The following WARS1 variants were observed in gnomAD, a reference collection of about 807,000 sequenced individuals.
The protein encoded by WARS1 is tryptophanyl-tRNA synthetase 1, also known as tryptophan--tRNA ligase, cytoplasmic.
WARS1 carries 17 observed loss-of-function variants against 47.8 expected under a neutral mutation model. That is an observed-to-expected ratio of 0.36 (90% CI 0.24 to 0.53). The LOEUF is 0.53. WARS1 is among the 20% of genes least tolerant of loss of function. The pLI, the probability that WARS1 is intolerant of heterozygous loss-of-function variation, is 0.91. For synonymous variants in WARS1, 208 were observed against 228.1 expected, an observed-to-expected ratio of 0.91 and a Z score of 0.79; for missense variants, 434 against 608.0, an observed-to-expected ratio of 0.71 and a Z score of 3.01.
At chr14:100,367,224 G>T (rs1896052773) in intron 2 of WARS1, among the ~76,000 whole-genome samples, 1 of 151,896 alleles carries the variant, frequency 6.6e-6, no homozygotes, top group Non-Finnish European at 1.5e-5. Flanking sequence ...AAAAAAAAAA[G>T]TCTGTGAAGA....
At chr14:100,366,941 T>C (rs1896035945) in intron 2 of WARS1, 1 of 1,586,136 alleles carries the variant, frequency 6.3e-7, no homozygotes, top group Non-Finnish European at 8.7e-7. Context: ...CCTGGAAGTA[T>C]CATAGTGGTT....
At chr14:100,353,927 T>C in intron 5 of WARS1, 58 bp from the exon 6 acceptor site, 1 of 1,512,060 alleles carries the variant, frequency 6.6e-7, no homozygotes. Flanking sequence ...AGGAACGCCA[T>C]CGTGCATCTG....
chr14:100,363,419 G>C (rs1389414971), intron 2 of WARS1, among the ~76,000 whole-genome samples: 1 of 152,076 alleles, frequency 6.6e-6, no homozygotes, highest in Non-Finnish European at 1.5e-5. Flanking sequence ...ATGTTAGCTG[G>C]GTGCAGTGGC....
intron 7 of WARS1, among the ~76,000 whole-genome samples, chr14:100,344,658 C>T (rs1010996782): frequency 1.3e-5 from 2 of 151,850 alleles, no homozygotes; most frequent in Non-Finnish European, 2.9e-5. Flanking sequence ...TCCCGGCCGC[C>T]ATCCCATCTA....
At chr14:100,349,719 G>A (rs1566847918) in intron 6 of WARS1, among the ~76,000 whole-genome samples, 2 of 152,214 alleles carry the variant, frequency 1.3e-5, no homozygotes, top group South Asian at 4.1e-4. Context: ...CATCCCTCAG[G>A]GCCCTGGGCA....
At chr14:100,335,627 C>G (rs992503606) in intron 10 of WARS1, among the ~76,000 whole-genome samples, 5 of 152,148 alleles carry the variant, frequency 3.3e-5, no homozygotes, top group African/African-American at 4.8e-5. Flanking sequence ...CCACTCCCCC[C>G]ACCTGCCTCG....
chr14:100,356,655 A>G (rs1205298339), intron 4 of WARS1, among the ~76,000 whole-genome samples: 1 of 152,162 alleles, frequency 6.6e-6, no homozygotes, highest in African/African-American at 2.4e-5. Flanking sequence ...AGTAATCAAA[A>G]AACTTCCTAC....
In WARS1 at chr14:100,369,136, G is replaced by A. The variant is rs746009234; in HGVS notation, c.50C>T (p.Ala17Val). The A allele has an allele frequency of 5.7e-6, 9 of 1,571,414 alleles. No individual in the cohort carries two copies. Among genetic ancestry groups the A allele is most frequent in the Admixed American group, 1.7e-5 (1 of 57,932 alleles). Residue 17 changes from alanine (A) to valine (V), a missense_variant, in exon 2 of 11, where the codon GCC (alanine) becomes GTC (valine). Coordinates refer to ENST00000392882, the MANE Select transcript of WARS1 (RefSeq NM_004184.4). ...ASLLELFNSI[A>V]TQGELVRSLK... ...GGACCTTACGAGCTCCCCTTGTGTG[G>A]CGATGCTGTTGAACAGCTCCAGCAG...
chr14:100,344,176 C>T (rs1894370499), intron 7 of WARS1, among the ~76,000 whole-genome samples: 2 of 152,158 alleles, frequency 1.3e-5, no homozygotes, highest in Non-Finnish European at 1.5e-5. Flanking sequence ...TCACTGCAAC[C>T]TCCCTGCCTC....
intron 9 of WARS1, among the ~76,000 whole-genome samples, chr14:100,341,190 A>C (rs889742699): frequency 6.6e-6 from 1 of 152,216 alleles, no homozygotes; most frequent in Admixed American, 6.5e-5. Flanking sequence ...TGCTGGAATT[A>C]TAGGTGTGAG....
At chr14:100,368,302 T>C (rs1235271741) in intron 2 of WARS1, 1 of 374,956 alleles carries the variant, frequency 2.7e-6, no homozygotes, top group Non-Finnish European at 5.3e-6. Flanking sequence ...AGAGTACTCA[T>C]TCTATCCGTG....
chr14:100,358,712 A>G (rs1895481947), intron 4 of WARS1, among the ~76,000 whole-genome samples: 1 of 152,234 alleles, frequency 6.6e-6, no homozygotes, highest in Admixed American at 6.5e-5. Flanking sequence ...TCATACTTCA[A>G]AGGACTATCA....
In WARS1 at chr14:100,342,631, T is replaced by C. The variant is rs1044572531; in HGVS notation, c.940-60A>G. 10 of 1,507,390 alleles carry C rather than the reference T, an allele frequency of 6.6e-6. No individual in the cohort carries two copies. The African/African-American group carries it at 1.4e-4, about 21-fold the overall frequency. 93.4% of individuals were successfully genotyped at this position (1,507,390 alleles called of 1,614,324 possible). Reference sequence around the variant, plus strand: ...CAGAAAACATGCCAGCTTTCAGCCATGAGCAGTCCCTGTGAGCATCTTCCC... The same window carrying C: ...CAGAAAACATGCCAGCTTTCAGCCACGAGCAGTCCCTGTGAGCATCTTCCC... On this transcript the variant is annotated intron_variant, in intron 8 of 10. Coordinates refer to ENST00000392882, the MANE Select transcript of WARS1 (RefSeq NM_004184.4).
intron 2 of WARS1, chr14:100,366,119 C>G (rs954326079): frequency 6.6e-6 from 3 of 455,872 alleles, no homozygotes; most frequent in Non-Finnish European, 8.8e-6. Context: ...GGTGCCTAGA[C>G]TGGGGGCAGT....
At chr14:100,357,938 T>C (rs373028279) in intron 4 of WARS1, among the ~76,000 whole-genome samples, 16 of 152,268 alleles carry the variant, frequency 1.1e-4, no homozygotes, top group South Asian at 1.0e-3. Flanking sequence ...TGAAAAGACA[T>C]CCCATGTTCA....
intron 2 of WARS1, chr14:100,365,872 A>G (rs1895954619): frequency 2.7e-6 from 1 of 369,054 alleles, no homozygotes; most frequent in Non-Finnish European, 5.4e-6. Flanking sequence ...CTAAGACATC[A>G]TGGAAATACT....
At chr14:100,367,863 G>A (rs1018103733) in intron 2 of WARS1, among the ~76,000 whole-genome samples, 2 of 152,036 alleles carry the variant, frequency 1.3e-5, no homozygotes, top group African/African-American at 2.4e-5. Context: ...AAATAAATAC[G>A]CTTTCAGATG....
In WARS1 at chr14:100,371,563, C is replaced by T. The variant is rs1013145211; in HGVS notation, c.-73-2305G>A. ...CAGCCTGGCCCACATGGTGAAACCC[C>T]ATCTTCACTAAAAATACAAAAATTA... On this transcript the variant is annotated intron_variant, in intron 1 of 10. Coordinates refer to ENST00000392882, the MANE Select transcript of WARS1 (RefSeq NM_004184.4). Among the ~76,000 whole-genome samples, 10 of 151,692 alleles carry T rather than the reference C, an allele frequency of 6.6e-5. No homozygotes were observed. In the South Asian group the frequency reaches 2.1e-3, roughly 32 times the overall value.
In WARS1 at chr14:100,334,937, C is replaced by T. The variant is rs764466208; in HGVS notation, c.1354G>A (p.Val452Ile). Residue 452 changes from valine to isoleucine, a missense_variant, in exon 11 of 11, where the codon GTC becomes ATC. By Grantham distance (29) the Val-to-Ile change is conservative (BLOSUM62 3). Around this residue, in one of 2 missense-constraint regions of WARS1, gnomAD observed 347 missense variants for 523.8 expected, o/e 0.66. Transcript: ENST00000392882. ...IAEHQARRKE[V>I]TDEIVKEFMT... ...AACTCTTTCACTATCTCATCCGTGA[C>T]CTCCTTGCGCCGGGCCTGGTGCTCT... 4.3e-6 allele frequency: 7 copies of T among 1,614,212 alleles called. No homozygotes were observed. The highest frequency in any genetic ancestry group is 4.2e-6 in the Non-Finnish European group (5 of 1,180,038).
Sources: gnomAD v4.1 joint callset for allele counts (sites outside exome capture counted in the v4.1 genomes callset) on GRCh38, gnomAD v4.1.1 for gene constraint, gnomAD v4.1.1 regional missense constraint, MANE v1.5 for transcripts, NCBI Gene and HGNC (gene_info 2026-07-23, HGNC 2026-07-21) for gene names.